KIAA0232: variants seen among roughly 807,000 people sequenced by gnomAD.
KIAA0232 encodes uncharacterized protein KIAA0232.
A neutral mutation model predicts 122.0 loss-of-function variants in KIAA0232; 27 were observed. The ratio of observed to expected loss-of-function variants is 0.22; its 90% CI spans 0.16 to 0.31. The LOEUF (loss-of-function observed/expected upper bound fraction) is 0.31. KIAA0232 is among the 10% of genes least tolerant of loss of function. KIAA0232 has a pLI of 1.00. For synonymous variants in KIAA0232, 613 were observed against 587.6 expected, an observed-to-expected ratio of 1.04 and a Z score of -0.63; for missense variants, 1,551 against 1,634.2, an observed-to-expected ratio of 0.95 and a Z score of 0.88.
intron 7 of KIAA0232, among the ~76,000 whole-genome samples, chr4:6,870,030 GCTCA>G (rs1490242089): frequency 6.6e-6 from 1 of 152,206 alleles, no homozygotes; most frequent in Non-Finnish European, 1.5e-5. Context: ...GCTGGGGCAG[GCTCA>G]CTCTCTCAGG....
At chr4:6,849,076 A>C (rs931327067) in intron 4 of KIAA0232, among the ~76,000 whole-genome samples, 1 of 152,214 alleles carries the variant, frequency 6.6e-6, no homozygotes, top group Non-Finnish European at 1.5e-5. Context: ...TTACTTGCCA[A>C]TCAGATGCTG....
chr4:6,784,123 C>T (rs1287738718), intron 1 of KIAA0232, among the ~76,000 whole-genome samples: 1 of 151,594 alleles, frequency 6.6e-6, no homozygotes, highest in Non-Finnish European at 1.5e-5. Context: ...GAGGGAGATT[C>T]AGCGGAGAGG....
chr4:6,805,045 C>T (rs762914334), intron 2 of KIAA0232, among the ~76,000 whole-genome samples: 2 of 152,120 alleles, frequency 1.3e-5, no homozygotes, highest in African/African-American at 2.4e-5. Flanking sequence ...TGATATTTCC[C>T]TAATTTATGC....
chr4:6,826,006 G>C (rs1457985267), intron 3 of KIAA0232, among the ~76,000 whole-genome samples: 1 of 152,154 alleles, frequency 6.6e-6, no homozygotes, highest in Non-Finnish European at 1.5e-5. Flanking sequence ...CTGGAGTGCA[G>C]TGGTGTGATC....
intron 2 of KIAA0232, among the ~76,000 whole-genome samples, chr4:6,820,237 C>A (rs1481547734): frequency 6.6e-6 from 1 of 152,004 alleles, no homozygotes; most frequent in East Asian, 1.9e-4. Flanking sequence ...GCACACGTAC[C>A]CCCTGAATCT....
At chr4:6,828,299 G>T (rs188909630) in intron 3 of KIAA0232, among the ~76,000 whole-genome samples, 1 of 152,172 alleles carries the variant, frequency 6.6e-6, no homozygotes, top group Non-Finnish European at 1.5e-5. Flanking sequence ...GCTTGAGCCT[G>T]GGGGGTGGAG....
chr4:6,882,791 A>G lies in KIAA0232; in HGVS notation c.*1825A>G, dbSNP rs1722148910. 6.5e-6 allele frequency: 1 copy of G among 152,706 alleles called. No individual in the cohort carries two copies. The highest frequency in any genetic ancestry group is 2.4e-5 in the African/African-American group (1 of 41,470). The allele number at this position is 152,706 out of a possible 1,614,324, so 9.5% of individuals were successfully genotyped here. ...TGCACTGAAATATAATTTAACAGCA[A>G]AAGTAAAAAAGGATTGAAAGTTGTA... On this transcript the variant is annotated 3_prime_UTR_variant, in exon 10 of 10. Transcript: ENST00000307659.
At chr4:6,848,322 A>G (rs1158559202) in intron 4 of KIAA0232, among the ~76,000 whole-genome samples, 1 of 152,202 alleles carries the variant, frequency 6.6e-6, no homozygotes, top group African/African-American at 2.4e-5. Context: ...GTTTACCTTC[A>G]AGGTTAATTT....
Position 6,861,356 on chromosome 4 carries a change from A to C in KIAA0232, c.974A>C (p.Lys325Thr). ...VRHKAREIRN[K>T]KGRNGQSRLS... ...CACAAGGCACGAGAGATTCGAAACA[A>C]AAAAGGGCGGAATGGGCAAAGCAGG... The change falls in exon 7 of 10, where the codon AAA (lysine) becomes ACA (threonine). Residue 325 changes from lysine (K) to threonine (T), a missense_variant. Around this residue, in one of 5 missense-constraint regions of KIAA0232, gnomAD observed 377 missense variants for 381.7 expected, o/e 0.99. Transcript: ENST00000307659. 6.2e-7 allele frequency: 1 copy of C among 1,614,172 alleles called. No individual in the cohort carries two copies. The highest frequency in any genetic ancestry group is 8.5e-7 in the Non-Finnish European group (1 of 1,180,038).
intron 3 of KIAA0232, among the ~76,000 whole-genome samples, chr4:6,838,281 C>G (rs541185654): frequency 6.6e-6 from 1 of 151,910 alleles, no homozygotes; most frequent in East Asian, 1.9e-4. Context: ...CTCCGCCTCC[C>G]AGGCTCAAGC....
chr4:6,833,142 A>G (rs560930928), intron 3 of KIAA0232, among the ~76,000 whole-genome samples: 4 of 152,254 alleles, frequency 2.6e-5, no homozygotes, highest in African/African-American at 7.2e-5. Context: ...GTTTATTAGA[A>G]TCTTTAACAA....
chr4:6,796,060 A>G (rs1322322634), intron 1 of KIAA0232, among the ~76,000 whole-genome samples: 2 of 152,170 alleles, frequency 1.3e-5, no homozygotes, highest in South Asian at 2.1e-4. Context: ...GGAGAGGATG[A>G]TGAGAGGTGT....
chr4:6,881,209 A>G lies in KIAA0232; in HGVS notation c.*243A>G, dbSNP rs1722057670. 2 of 345,110 alleles carry G rather than the reference A, an allele frequency of 5.8e-6. 1 individual carries two copies. Among genetic ancestry groups the G allele is most frequent in the South Asian group, 1.8e-4 (2 of 11,420 alleles). 21.4% of individuals were successfully genotyped at this position (345,110 alleles called of 1,614,324 possible). On this transcript the variant is annotated 3_prime_UTR_variant, in exon 10 of 10. Coordinates refer to ENST00000307659, the MANE Select transcript of KIAA0232 (RefSeq NM_014743.3). ...GAAATAGACTAGATTGTGTTGTCAA[A>G]TCAAGAATGGGTGTGCATGTGCTTG...
chr4:6,793,924 C>G (rs549645127), intron 1 of KIAA0232, among the ~76,000 whole-genome samples: 3 of 152,182 alleles, frequency 2.0e-5, no homozygotes, highest in African/African-American at 7.2e-5. Flanking sequence ...CCCAGACTTC[C>G]GTCCTTCCAA....
chr4:6,842,024 C>T lies in KIAA0232; in HGVS notation c.232-43C>T, dbSNP rs1719691045. ...GTGGTAGGTGGAACATAGTAGTGTC[C>T]AAGTTAGCCCTGGTCATTTAACCTG... is the stretch of plus-strand genomic sequence containing the variant. On this transcript the variant is annotated intron_variant, in intron 3 of 9. Coordinates refer to ENST00000307659, the MANE Select transcript of KIAA0232 (RefSeq NM_014743.3). 4.4e-6 allele frequency: 7 copies of T among 1,607,772 alleles called. No individual in the cohort carries two copies. The East Asian group carries it at 1.1e-4, about 26-fold the overall frequency.
chr4:6,845,577 T>A (rs1350005089), intron 4 of KIAA0232, among the ~76,000 whole-genome samples: 1 of 152,058 alleles, frequency 6.6e-6, no homozygotes, highest in Non-Finnish European at 1.5e-5. Flanking sequence ...TTTAAAGGAA[T>A]TCAGAATGCA....
Position 6,824,484 on chromosome 4 carries a change from G to T in KIAA0232, c.31G>T (p.Gly11Cys), listed in dbSNP as rs752639698. MYPICTVVVD[G>C]LPSESSSSSY... is the part of the protein sequence containing the mutation. ...CCCTATCTGTACAGTTGTTGTGGAT[G>T]GTTTGCCATCTGAAAGCTCCTCAAG... Residue 11 changes from glycine (G) to cysteine (C), a missense_variant, in exon 3 of 10, where the codon GGT (glycine) becomes TGT (cysteine). Around this residue, in one of 5 missense-constraint regions of KIAA0232, gnomAD observed 37 missense variants for 28.5 expected, o/e 1.30. Coordinates refer to ENST00000307659, the MANE Select transcript of KIAA0232 (RefSeq NM_014743.3). 6.2e-7 allele frequency: 1 copy of T among 1,614,188 alleles called. No homozygotes were observed.
intron 3 of KIAA0232, among the ~76,000 whole-genome samples, chr4:6,839,776 C>T (rs1313320075): frequency 1.3e-5 from 2 of 151,992 alleles, no homozygotes; most frequent in Non-Finnish European, 2.9e-5. Context: ...ACCTGTAGAT[C>T]GAGTTTAGCC....
intron 2 of KIAA0232, among the ~76,000 whole-genome samples, chr4:6,809,178 T>C (rs1717766607): frequency 6.6e-6 from 1 of 152,244 alleles, no homozygotes; most frequent in Admixed American, 6.5e-5. Flanking sequence ...TATTATTGTC[T>C]TTGATAGTTT....
Sources: allele counts gnomAD v4.1 joint callset (sites outside exome capture counted in the v4.1 genomes callset), GRCh38; gene constraint gnomAD v4.1.1; regional missense constraint gnomAD v4.1.1; transcripts MANE v1.5; gene names NCBI Gene and HGNC (gene_info 2026-07-23, HGNC 2026-07-21).